The following RPS6KC1 variants were observed in gnomAD, a reference collection of about 807,000 sequenced individuals.
RPS6KC1 encodes inactive ribosomal protein S6 kinase delta-1.
Under a neutral mutation model 103.8 loss-of-function variants are expected in RPS6KC1, and 54 were observed. The ratio of observed to expected loss-of-function variants is 0.52; its 90% confidence interval spans 0.42 to 0.65. The LOEUF is 0.65. RPS6KC1 is among the 30% of genes least tolerant of loss of function. The pLI is 0.00. For synonymous variants in RPS6KC1, 439 were observed against 438.7 expected, an observed-to-expected ratio of 1.00 and a Z score of -0.01; for missense variants, 1,151 against 1,253.8, an observed-to-expected ratio of 0.92 and a Z score of 1.24.
the RPS6KC1 span, among the ~76,000 whole-genome samples, chr1:213,759,362 G>GACTTGCTTTATTGTGAT: frequency 9.8e-5 from 15 of 152,286 alleles, no homozygotes; most frequent in African/African-American, 3.6e-4. Flanking sequence ...AAGTTCATGT[G>GACTTGCTTTATTGTGAT]ACTTGCTTTA....
chr1:213,349,131 T>A, the RPS6KC1 span, among the ~76,000 whole-genome samples: 1 of 152,218 alleles, frequency 6.6e-6, no homozygotes, highest in Non-Finnish European at 1.5e-5. Flanking sequence ...AGTATCTGCT[T>A]ATTTATTTAT....
At chr1:213,442,768 A>G in the RPS6KC1 span, among the ~76,000 whole-genome samples, 1 of 152,132 alleles carries the variant, frequency 6.6e-6, no homozygotes, top group Non-Finnish European at 1.5e-5. Context: ...TTTCTCGGGA[A>G]CTGCTCTCTC....
the RPS6KC1 span, among the ~76,000 whole-genome samples, chr1:213,378,353 A>AT: frequency 6.6e-6 from 1 of 152,206 alleles, no homozygotes; most frequent in Non-Finnish European, 1.5e-5. Flanking sequence ...TGGTGGGAGG[A>AT]TTAATTCAAC....
the RPS6KC1 span, among the ~76,000 whole-genome samples, chr1:213,347,028 C>T: frequency 1.3e-5 from 2 of 152,234 alleles, no homozygotes; most frequent in Non-Finnish European, 1.5e-5. Flanking sequence ...GGCTGAGTGA[C>T]GATAGGCATT....
the RPS6KC1 span, among the ~76,000 whole-genome samples, chr1:213,621,834 C>T: frequency 0.078 from 11,820 of 152,108 alleles, 627 homozygotes; most frequent in African/African-American, 0.14. Context: ...ACCCTGAAGT[C>T]GGTGCTGGTT....
Position 213,162,657 on chromosome 1 carries a change from T to C in RPS6KC1, c.836-5201T>C, listed in dbSNP as rs142939832. Among the ~76,000 whole-genome samples the C allele has an allele frequency of 1.2e-4, 19 of 152,232 alleles. No individual in the cohort carries two copies. The East Asian group carries it at 3.7e-3, about 29-fold the overall frequency. ...AAATTGCATAACAAGGAAAAATAGG[T>C]TAGGGAGCAGAAAGAAATTGTTGAA... is the stretch of plus-strand genomic sequence containing the variant. On this transcript the variant is annotated intron_variant, in intron 6 of 14. Coordinates refer to ENST00000366960, the MANE Select transcript of RPS6KC1 (RefSeq NM_012424.6).
chr1:213,828,238 C>T, the RPS6KC1 span, among the ~76,000 whole-genome samples: 1 of 152,116 alleles, frequency 6.6e-6, no homozygotes, highest in African/African-American at 2.4e-5. Flanking sequence ...GGTGAGGTCA[C>T]TGAGCAGACC....
chr1:213,718,582 CG>C, the RPS6KC1 span, among the ~76,000 whole-genome samples: 1 of 152,326 alleles, frequency 6.6e-6, no homozygotes, highest in Non-Finnish European at 1.5e-5. Context: ...AGACACTGGT[CG>C]TTGGGAGGCA....
intron 8 of RPS6KC1, among the ~76,000 whole-genome samples, chr1:213,214,621 C>T (rs975309064): frequency 6.6e-6 from 1 of 152,200 alleles, no homozygotes; most frequent in African/African-American, 2.4e-5. Flanking sequence ...CTGGGAGGCA[C>T]CCCCCAGTAG....
chr1:213,632,362 C>G, the RPS6KC1 span, among the ~76,000 whole-genome samples: 2 of 152,206 alleles, frequency 1.3e-5, no homozygotes, highest in African/African-American at 4.8e-5. Context: ...GTGATTTCTG[C>G]ATTTCCAACT....
At chr1:213,714,747 C>T in the RPS6KC1 span, among the ~76,000 whole-genome samples, 1 of 152,242 alleles carries the variant, frequency 6.6e-6, no homozygotes, top group African/African-American at 2.4e-5. Flanking sequence ...GGCAGATTGG[C>T]TTGATTTCTT....
At chr1:213,307,059 G>GT in the RPS6KC1 span, among the ~76,000 whole-genome samples, 1 of 146,660 alleles carries the variant, frequency 6.8e-6, no homozygotes, top group African/African-American at 2.6e-5. Context: ...GAAGGATGCA[G>GT]GTTTTTTTTT....
At chr1:213,638,198 G>C in the RPS6KC1 span, among the ~76,000 whole-genome samples, 1 of 152,014 alleles carries the variant, frequency 6.6e-6, no homozygotes, top group East Asian at 1.9e-4. Context: ...TATCTTTTTT[G>C]ATGATATATT....
chr1:213,089,634 G>A (rs748898122), intron 3 of RPS6KC1, among the ~76,000 whole-genome samples: 29 of 152,084 alleles, frequency 1.9e-4, no homozygotes, highest in Admixed American at 1.7e-3. Context: ...GCTAATTTTT[G>A]TATTTTTAGC....
At chr1:213,294,486 T>C in the RPS6KC1 span, among the ~76,000 whole-genome samples, 2 of 152,192 alleles carry the variant, frequency 1.3e-5, no homozygotes, top group Non-Finnish European at 2.9e-5. Context: ...CTGGTGATTT[T>C]TGCCTTCATA....
chr1:213,827,201 T>A, the RPS6KC1 span, among the ~76,000 whole-genome samples: 2 of 152,128 alleles, frequency 1.3e-5, no homozygotes, highest in South Asian at 4.2e-4. Flanking sequence ...ACCTCCACAG[T>A]CAAAGCCTGC....
At chr1:213,646,899 T>TATTTTTG in the RPS6KC1 span, among the ~76,000 whole-genome samples, 1 of 100,634 alleles carries the variant, frequency 9.9e-6, no homozygotes, top group African/African-American at 3.9e-5. Flanking sequence ...ATATATATAT[T>TATTTTTG]TTTGTTTGTT....
chr1:213,738,992 G>C, the RPS6KC1 span, among the ~76,000 whole-genome samples: 1 of 151,450 alleles, frequency 6.6e-6, no homozygotes, highest in Admixed American at 6.6e-5. Context: ...TAATTCCAGA[G>C]GCCCAACATT....
At chr1:213,084,959 A>G (rs2080243284) in intron 3 of RPS6KC1, among the ~76,000 whole-genome samples, 1 of 152,344 alleles carries the variant, frequency 6.6e-6, no homozygotes, top group African/African-American at 2.4e-5. Flanking sequence ...CACCTGGTCA[A>G]GGTATTGTCA....
Sources: gnomAD v4.1 joint callset for allele counts (sites outside exome capture counted in the v4.1 genomes callset) on GRCh38, gnomAD v4.1.1 for gene constraint, MANE v1.5 for transcripts, NCBI Gene and HGNC (gene_info 2026-07-23, HGNC 2026-07-21) for gene names.